LRP4: variants seen among roughly 807,000 people sequenced by gnomAD.
LRP4 encodes the protein low-density lipoprotein receptor-related protein 4.
A neutral mutation model predicts 220.3 loss-of-function variants in LRP4; 95 were observed. The ratio of observed to expected loss-of-function variants is 0.43; its 90% confidence interval spans 0.37 to 0.51. The LOEUF (loss-of-function observed/expected upper bound fraction) is 0.51. Among genes scored for constraint, LRP4 ranks in the 20% least tolerant of loss-of-function variants. LRP4 has a pLI of 0.00. For missense variants in LRP4, 1,925 were observed against 2,567.0 expected (o/e 0.75, Z 5.40); for synonymous variants, 903 against 954.6 (o/e 0.95, Z 1.00).
At chr11:46,892,876 C>T in intron 13 of LRP4, 97 bp downstream of exon 13, 1 of 1,480,572 alleles carries the variant, frequency 6.8e-7, no homozygotes, top group Non-Finnish European at 9.3e-7. Context: ...AGCTACACCA[C>T]ACTTTGAGGA....
chr11:46,870,161 C>G (rs960728173), intron 31 of LRP4, among the ~76,000 whole-genome samples: 6 of 151,540 alleles, frequency 4.0e-5, no homozygotes, highest in Non-Finnish European at 5.9e-5. Context: ...CCCACCTACT[C>G]GGGAGGCTGA....
intron 16 of LRP4, among the ~76,000 whole-genome samples, chr11:46,888,804 C>A (rs553040598): frequency 6.6e-6 from 1 of 152,038 alleles, no homozygotes; most frequent in African/African-American, 2.4e-5. Context: ...GCCATATGCC[C>A]GGACCGCTCC....
intron 7 of LRP4, among the ~76,000 whole-genome samples, chr11:46,897,246 G>A (rs1004991456): frequency 6.6e-6 from 1 of 151,460 alleles, no homozygotes; most frequent in East Asian, 1.9e-4. Flanking sequence ...TGGACATATT[G>A]CCTCTGCACA....
At chr11:46,897,070 C>T in intron 7 of LRP4, 76 bp from the exon 8 acceptor site, 3 of 1,590,100 alleles carry the variant, frequency 1.9e-6, no homozygotes, top group South Asian at 1.1e-5. Context: ...AAATCTGCAG[C>T]TTATATCAGT....
intron 18 of LRP4, among the ~76,000 whole-genome samples, chr11:46,885,246 C>T (rs1164699995): frequency 2.6e-5 from 4 of 152,112 alleles, no homozygotes; most frequent in South Asian, 2.1e-4. Context: ...GAGATCTTGC[C>T]CTGGTCCCCC....
intron 10 of LRP4, 124 bp downstream of exon 10, chr11:46,895,760 A>C (rs1347705796): frequency 1.5e-6 from 2 of 1,351,880 alleles, no homozygotes; most frequent in South Asian, 1.2e-5. Context: ...CCCACCTCCT[A>C]GGGTTATTGT....
Position 46,918,098 on chromosome 11 carries a change from C to T in LRP4, c.52+230G>A, listed in dbSNP as rs556180715. Among the ~76,000 whole-genome samples the T allele has an allele frequency of 9.2e-5, 14 of 152,212 alleles. No individual in the cohort carries two copies. The highest frequency in any genetic ancestry group is 3.9e-4 in the East Asian group (2 of 5,140). On this transcript the variant is annotated intron_variant, in intron 1 of 37. Coordinates refer to ENST00000378623, the MANE Select transcript of LRP4 (RefSeq NM_002334.4). The surrounding 1 kb of genome is among the most constrained non-coding windows in gnomAD (Gnocchi z 6.0). ...ACCTTACCCGCGCCCCGGCCCAGAC[C>T]CGCGCCCCGGCCCAGACCCGAACCC... is the stretch of plus-strand genomic sequence containing the variant.
At chr11:46,862,480 A>T in intron 37 of LRP4, 126 bp downstream of exon 37, 1 of 981,702 alleles carries the variant, frequency 1.0e-6, no homozygotes, top group Non-Finnish European at 1.6e-6. Flanking sequence ...TCTTCTGTTC[A>T]CTATAACTTC....
Position 46,918,182 on chromosome 11 carries a change from T to G in LRP4, c.52+146A>C. The G allele has an allele frequency of 3.7e-6, 3 of 801,210 alleles. No homozygotes were observed. The South Asian group carries it at 5.6e-5, about 15-fold the overall frequency. 49.6% of individuals were successfully genotyped at this position (801,210 alleles called of 1,614,324 possible). A position where few individuals can be genotyped will look rare whatever the true frequency, so the allele number is the denominator to read the frequency against. On this transcript the variant is annotated intron_variant, in intron 1 of 37. Coordinates refer to ENST00000378623, the MANE Select transcript of LRP4 (RefSeq NM_002334.4). The surrounding 1 kb of genome is among the most constrained non-coding windows in gnomAD (Gnocchi z 6.0). The stretch of plus-strand genomic sequence containing the variant: ...CTGCTGGAGCCGGGGCCGCTCCGGG[T>G]CCTCTCCCCTGCACGCAGCCCCAGG...
In LRP4 at chr11:46,918,201, C is replaced by G. The variant is rs973690111; in HGVS notation, c.52+127G>C. On this transcript the variant is annotated intron_variant, in intron 1 of 37. Transcript: ENST00000378623. The surrounding 1 kb of genome is among the most constrained non-coding windows in gnomAD (Gnocchi z 6.0). ...TCCGGGTCCTCTCCCCTGCACGCAG[C>G]CCCAGGGCCACGGCTAGGAGCGAGG... The G allele has an allele frequency of 1.8e-4, 188 of 1,057,750 alleles. 1 individual carries two copies. The Middle Eastern group carries it at 3.2e-3, about 18-fold the overall frequency. 65.5% of individuals were successfully genotyped at this position (1,057,750 alleles called of 1,614,324 possible).
chr11:46,918,511 T>G lies in LRP4; in HGVS notation c.-132A>C. The G allele has an allele frequency of 1.9e-6, 1 of 515,214 alleles. No homozygotes were observed. The highest frequency in any genetic ancestry group is 2.7e-6 in the Non-Finnish European group (1 of 372,458). 31.9% of individuals were successfully genotyped at this position (515,214 alleles called of 1,614,324 possible). On this transcript the variant is annotated 5_prime_UTR_variant, in exon 1 of 38. Coordinates refer to ENST00000378623, the MANE Select transcript of LRP4 (RefSeq NM_002334.4). This position sits in a 1 kb window ranked among gnomAD's most constrained non-coding sequence, Gnocchi z 6.0. ...GGCCTGCGCGCCCCGCAAGTCGCCC[T>G]CGGGCCGCCGCCGCCTCCAGTGCTG...
intron 37 of LRP4, among the ~76,000 whole-genome samples, chr11:46,861,807 G>A (rs183386744): frequency 9.8e-4 from 149 of 152,156 alleles, no homozygotes; most frequent in Non-Finnish European, 1.8e-3. Flanking sequence ...AGTGGCTCAC[G>A]CCTGTAATCC....
intron 22 of LRP4, 144 bp from the exon 23 acceptor site, chr11:46,877,483 T>C: frequency 1.1e-6 from 1 of 939,598 alleles, no homozygotes; most frequent in Non-Finnish European, 1.7e-6. Flanking sequence ...ATTATTATTT[T>C]TTGAGACAGG....
chr11:46,867,246 C>T (rs545665059), intron 34 of LRP4, among the ~76,000 whole-genome samples: 1 of 151,936 alleles, frequency 6.6e-6, no homozygotes, highest in East Asian at 1.9e-4. Flanking sequence ...GGGGGGTGCA[C>T]ATGACATTAT....
chr11:46,876,604 G>A lies in LRP4; in HGVS notation c.3398C>T (p.Ala1133Val). 6.2e-7 allele frequency: 1 copy of A among 1,614,172 alleles called. No individual in the cohort carries two copies. Among genetic ancestry groups the A allele is most frequent in the Non-Finnish European group, 8.5e-7 (1 of 1,180,044 alleles). Residue 1133 changes from alanine to valine, a missense_variant, in exon 25 of 38, where the codon GCC (alanine) becomes GTC (valine). Ala to Val is a moderately conservative substitution (Grantham distance 64). This residue lies in a region of LRP4 where 1,244 missense variants were observed against 1,624.9 expected (regional missense o/e 0.77). Transcript: ENST00000378623. ...LQTTDGLAVD[A>V]IGRKVYWTDT... ...TGTCCAGTATACTTTCCGGCCAATG[G>A]CATCAACCGCGAGCCCATCTGTGGT... is the stretch of plus-strand genomic sequence containing the variant.
At chr11:46,865,065 G>T in intron 35 of LRP4, 54 bp downstream of exon 35, 1 of 1,428,698 alleles carries the variant, frequency 7.0e-7, no homozygotes, top group Non-Finnish European at 9.7e-7. Context: ...TATCAGTGGA[G>T]ACTTAGATTC....
intron 21 of LRP4, 42 bp downstream of exon 21, chr11:46,879,083 AG>A (rs771644667): frequency 1.2e-5 from 19 of 1,614,100 alleles, no homozygotes; most frequent in Non-Finnish European, 1.5e-5. Flanking sequence ...GCTAGGGCAT[AG>A]GAGGGCCACG....
At position 46,873,045 on chromosome 11, in the gene LRP4, A is replaced by T; in HGVS notation, c.4583+55T>A. On this transcript the variant is annotated intron_variant, in intron 30 of 37. Transcript: ENST00000378623. The surrounding 1 kb of genome is among the most constrained non-coding windows in gnomAD (Gnocchi z 4.2). ...CATTTTTCCAAGGTTAATCTCAACC[A>T]TTCTCTCTTCTGCCCACCCGATTTC... 5.6e-6 allele frequency: 9 copies of T among 1,611,918 alleles called. No homozygotes were observed. In the South Asian group the frequency reaches 9.9e-5, roughly 18 times the overall value.
At chr11:46,904,074 C>G (rs898190464) in intron 1 of LRP4, among the ~76,000 whole-genome samples, 2 of 152,230 alleles carry the variant, frequency 1.3e-5, no homozygotes, top group South Asian at 2.1e-4. Flanking sequence ...TCACTCTCCC[C>G]CCTCCCAGCA....
Sources: allele counts gnomAD v4.1 joint callset (sites outside exome capture counted in the v4.1 genomes callset), GRCh38; gene constraint gnomAD v4.1.1; regional missense constraint gnomAD v4.1.1; non-coding constraint Gnocchi (gnomAD v3.1); transcripts MANE v1.5; gene names NCBI Gene and HGNC (gene_info 2026-07-23, HGNC 2026-07-21).